Variants in WDR7 observed in about 807,000 individuals in gnomAD.
The protein encoded by WDR7 is WD repeat domain 7, also known as WD repeat-containing protein 7.
Under a neutral mutation model 169.4 loss-of-function variants are expected in WDR7, and 46 were observed. The observed-to-expected ratio is 0.27, with a 90% CI of 0.21 to 0.35. WDR7 has a LOEUF of 0.35. WDR7 is among the 10% of genes least tolerant of loss of function. The pLI is 1.00. For missense variants in WDR7, 1,534 were observed against 1,859.3 expected (o/e 0.83, Z 3.22); for synonymous variants, 612 against 666.8 (o/e 0.92, Z 1.27).
chr18:56,929,408 A>G (rs931624783), intron 22 of WDR7, among the ~76,000 whole-genome samples: 1 of 152,242 alleles, frequency 6.6e-6, no homozygotes, highest in African/African-American at 2.4e-5. Context: ...ACATTTGCCA[A>G]GTGATTTGCA....
intron 16 of WDR7, among the ~76,000 whole-genome samples, chr18:56,762,616 G>A (rs895873967): frequency 2.0e-5 from 3 of 151,782 alleles, no homozygotes; most frequent in Non-Finnish European, 4.4e-5. Context: ...TTTTATTCCT[G>A]ATTTTAATAA....
chr18:56,727,142 C>T (rs545795248), intron 13 of WDR7, among the ~76,000 whole-genome samples: 36 of 152,140 alleles, frequency 2.4e-4, no homozygotes, highest in Non-Finnish European at 4.3e-4. Flanking sequence ...TAAGGATTGT[C>T]TGAAAAAGCA....
chr18:56,800,688 C>T (rs994325263), intron 19 of WDR7, among the ~76,000 whole-genome samples: 10 of 152,226 alleles, frequency 6.6e-5, no homozygotes, highest in Non-Finnish European at 1.2e-4. Flanking sequence ...AATGCCGGTT[C>T]ATTGCTCAGA....
At chr18:56,950,230 G>A (rs745995344) in intron 25 of WDR7, among the ~76,000 whole-genome samples, 1 of 152,122 alleles carries the variant, frequency 6.6e-6, no homozygotes. Flanking sequence ...TGTACTCAAG[G>A]GTTGAAATTT....
intron 16 of WDR7, among the ~76,000 whole-genome samples, chr18:56,771,510 G>A (rs1233301383): frequency 6.6e-6 from 1 of 151,378 alleles, no homozygotes; most frequent in East Asian, 1.9e-4. Context: ...TTGCTTGAAT[G>A]CAAGAGTTTG....
At chr18:56,972,838 G>GT (rs1010783828) in intron 26 of WDR7, among the ~76,000 whole-genome samples, 12 of 151,148 alleles carry the variant, frequency 7.9e-5, no homozygotes, top group South Asian at 2.1e-4. Context: ...GTACTTCTTG[G>GT]TTTTTTTTTG....
chr18:56,943,859 T>G (rs1393152607), intron 25 of WDR7, among the ~76,000 whole-genome samples: 1 of 151,972 alleles, frequency 6.6e-6, no homozygotes. Context: ...AGTCCAAAGA[T>G]AAAATAGCAT....
At chr18:56,809,078 C>T (rs962064510) in intron 19 of WDR7, among the ~76,000 whole-genome samples, 1 of 152,058 alleles carries the variant, frequency 6.6e-6, no homozygotes, top group Admixed American at 6.6e-5. Context: ...CTCCATTCCC[C>T]CTCTGCCCCC....
At chr18:56,749,206 T>C (rs2043750081) in intron 14 of WDR7, among the ~76,000 whole-genome samples, 1 of 152,090 alleles carries the variant, frequency 6.6e-6, no homozygotes, top group Admixed American at 6.5e-5. Context: ...TTATTTTTCC[T>C]GCCAAAATAT....
Position 56,871,106 on chromosome 18 carries a change from G to A in WDR7, c.3305-8838G>A, listed in dbSNP as rs374922020. ...TTTGCAGCTTTATTGACTAACATTT[G>A]TAGGGCTCTGAATGATGTGCTCAGA... On this transcript the variant is annotated intron_variant, in intron 20 of 27. Coordinates refer to ENST00000254442, the MANE Select transcript of WDR7 (RefSeq NM_015285.3). Among the ~76,000 whole-genome samples the A allele has an allele frequency of 8.8e-4, 134 of 152,194 alleles. 1 individual carries two copies. The highest frequency in any genetic ancestry group is 2.9e-3 in the African/African-American group (121 of 41,562).
At chr18:56,859,561 C>T (rs1206532838) in intron 20 of WDR7, among the ~76,000 whole-genome samples, 1 of 152,168 alleles carries the variant, frequency 6.6e-6, no homozygotes, top group Non-Finnish European at 1.5e-5. Flanking sequence ...TGTTCGCCTT[C>T]CTCCCCTGAA....
chr18:56,747,574 G>A (rs1291342611), intron 14 of WDR7, among the ~76,000 whole-genome samples: 1 of 152,176 alleles, frequency 6.6e-6, no homozygotes, highest in Non-Finnish European at 1.5e-5. Flanking sequence ...GTAGTTCATT[G>A]TGTTGAGCCT....
Position 56,776,914 on chromosome 18 carries a change from A to G in WDR7, c.2947+34A>G, listed in dbSNP as rs199502048. ...CTCAACTTCTAACAACTTTCTCTCA[A>G]TCTGTGCTTTATTCTGACAGACATG... On this transcript the variant is annotated intron_variant, in intron 17 of 27. Transcript: ENST00000254442. 2.7e-3 allele frequency: 4,250 copies of G among 1,552,106 alleles called. 12 individuals are homozygous for G. Among genetic ancestry groups the G allele is most frequent in the Non-Finnish European group, 3.5e-3 (3,927 of 1,124,672 alleles).
intron 14 of WDR7, among the ~76,000 whole-genome samples, chr18:56,732,315 C>A (rs905373522): frequency 3.2e-4 from 48 of 152,118 alleles, no homozygotes; most frequent in Non-Finnish European, 1.0e-4. Context: ...ATAAATCAAA[C>A]CTAGAGACAA....
chr18:56,816,041 A>G lies in WDR7; in HGVS notation c.3201A>G (p.Thr1067=), dbSNP rs2044962625. The change falls in exon 20 of 28, where the codon ACA becomes ACG. Residue 1067 remains threonine (T), a synonymous_variant. Coordinates refer to ENST00000254442, the MANE Select transcript of WDR7 (RefSeq NM_015285.3). ...YIDHVISPGV[T]SEAAQTITTA... is the part of the protein sequence containing the mutation. Reference sequence around the variant, plus strand: ...TCATATTTGTTTTAGCTGGAGTCACATCAGAAGCCGCGCAGACTATCACCA... The same window carrying G: ...TCATATTTGTTTTAGCTGGAGTCACGTCAGAAGCCGCGCAGACTATCACCA... The G allele has an allele frequency of 2.5e-6, 4 of 1,602,446 alleles. No homozygotes were observed. Among genetic ancestry groups the G allele is most frequent in the Admixed American group, 1.8e-5 (1 of 56,658 alleles).
intron 1 of WDR7, among the ~76,000 whole-genome samples, chr18:56,660,328 G>C (rs2024877554): frequency 6.6e-6 from 1 of 152,048 alleles, no homozygotes; most frequent in Non-Finnish European, 1.5e-5. Context: ...AATAAACTGG[G>C]GAACTGTCAA....
intron 14 of WDR7, among the ~76,000 whole-genome samples, chr18:56,733,119 A>C (rs757372776): frequency 2.0e-4 from 31 of 152,294 alleles, no homozygotes; most frequent in Admixed American, 1.4e-3. Flanking sequence ...TAAAAGCACC[A>C]GATATCAGAG....
At chr18:56,711,039 T>G (rs1179210331) in intron 12 of WDR7, among the ~76,000 whole-genome samples, 4 of 151,874 alleles carry the variant, frequency 2.6e-5, no homozygotes, top group Non-Finnish European at 4.4e-5. Context: ...TTAAAAGACA[T>G]TTTTCTTTTT....
chr18:56,761,426 G>C (rs989594157), intron 16 of WDR7, among the ~76,000 whole-genome samples: 3 of 152,122 alleles, frequency 2.0e-5, no homozygotes, highest in Non-Finnish European at 2.9e-5. Flanking sequence ...ATATTCAGTA[G>C]ATGAAATCTT....
Sources: gnomAD v4.1 joint callset for allele counts (sites outside exome capture counted in the v4.1 genomes callset) on GRCh38, gnomAD v4.1.1 for gene constraint, MANE v1.5 for transcripts, NCBI Gene and HGNC (gene_info 2026-07-23, HGNC 2026-07-21) for gene names.